KCNH7: variants seen among roughly 807,000 people sequenced by gnomAD.
The protein encoded by KCNH7 is voltage-gated inwardly rectifying potassium channel KCNH7.
A neutral mutation model predicts 120.8 loss-of-function variants in KCNH7; 49 were observed. That is an observed-to-expected ratio of 0.41 (90% CI 0.32 to 0.51). KCNH7 has a LOEUF of 0.51. Among genes scored for constraint, KCNH7 ranks in the 20% least tolerant of loss-of-function variants. The pLI, the probability that KCNH7 is intolerant of heterozygous loss-of-function variation, is 0.38. For synonymous variants in KCNH7, 547 were observed against 516.1 expected, an observed-to-expected ratio of 1.06 and a Z score of -0.81; for missense variants, 1,097 against 1,446.6, an observed-to-expected ratio of 0.76 and a Z score of 3.92.
At chr2:162,497,529 G>T (rs77155747) in intron 6 of KCNH7, among the ~76,000 whole-genome samples, 71 of 152,284 alleles carry the variant, frequency 4.7e-4, no homozygotes, top group African/African-American at 1.5e-3. Flanking sequence ...AATGTTACAA[G>T]TATGTCCAAC....
At chr2:162,462,418 A>G (rs1558958232) in intron 6 of KCNH7, among the ~76,000 whole-genome samples, 1 of 152,110 alleles carries the variant, frequency 6.6e-6, no homozygotes, top group South Asian at 2.1e-4. Flanking sequence ...TCTATCACCT[A>G]CAAGAAGTTA....
intron 8 of KCNH7, among the ~76,000 whole-genome samples, chr2:162,434,055 A>G (rs1036083807): frequency 2.6e-5 from 4 of 152,150 alleles, no homozygotes; most frequent in African/African-American, 9.6e-5. Flanking sequence ...GCCATAAAAA[A>G]GAAAAAAAAG....
intron 4 of KCNH7, among the ~76,000 whole-genome samples, chr2:162,516,658 T>C (rs1691308206): frequency 6.6e-6 from 1 of 151,728 alleles, no homozygotes; most frequent in Non-Finnish European, 1.5e-5. Flanking sequence ...TATGGGAATC[T>C]GGAAAGCGGG....
chr2:162,408,502 C>T (rs573394119), intron 9 of KCNH7, among the ~76,000 whole-genome samples: 2 of 151,986 alleles, frequency 1.3e-5, no homozygotes, highest in Non-Finnish European at 2.9e-5. Context: ...ATTTTTGCTT[C>T]TAACACTCGA....
chr2:162,561,195 T>C (rs1298323297), intron 2 of KCNH7, among the ~76,000 whole-genome samples: 2 of 152,200 alleles, frequency 1.3e-5, no homozygotes, highest in Non-Finnish European at 2.9e-5. Flanking sequence ...ATCTAATTTA[T>C]ATTGAACATT....
At chr2:162,458,565 C>T (rs937408515) in intron 6 of KCNH7, among the ~76,000 whole-genome samples, 2 of 152,092 alleles carry the variant, frequency 1.3e-5, no homozygotes, top group Admixed American at 6.5e-5. Flanking sequence ...GGATTCTTCC[C>T]TCCATTTTCT....
In KCNH7 at chr2:162,812,057, CGTGT is replaced by C. The variant is rs769500291; in HGVS notation, c.307+24476_307+24479del. Among the ~76,000 whole-genome samples, 142 of 151,782 alleles carry C rather than the reference CGTGT, an allele frequency of 9.4e-4. 1 individual carries two copies. Among genetic ancestry groups the C allele is most frequent in the South Asian group, 1.9e-3 (9 of 4,808 alleles). ...TTAAATTATGTGAGTGTACAGCACACGTGTGTGTGTGTGAGCACATGTGCACACA... is the reference window on the plus strand; with the variant it reads ...TTAAATTATGTGAGTGTACAGCACACGTGTGTGTGAGCACATGTGCACACA... On this transcript the variant is annotated intron_variant, in intron 2 of 15. Transcript: ENST00000332142.
intron 2 of KCNH7, among the ~76,000 whole-genome samples, chr2:162,740,807 C>CA (rs1465325226): frequency 6.6e-6 from 1 of 152,172 alleles, no homozygotes; most frequent in Non-Finnish European, 1.5e-5. Context: ...CCCTCAACTG[C>CA]AATTTCCTTT....
At chr2:162,373,370 G>T (rs758768379) in intron 15 of KCNH7, 100 bp downstream of exon 15, 13 of 796,888 alleles carry the variant, frequency 1.6e-5, no homozygotes, top group Non-Finnish European at 2.4e-5. Context: ...GATAGGGACA[G>T]AAATCTGCCT....
At chr2:162,438,073 C>A (rs1237443247) in intron 7 of KCNH7, among the ~76,000 whole-genome samples, 1 of 152,018 alleles carries the variant, frequency 6.6e-6, no homozygotes, top group South Asian at 2.1e-4. Flanking sequence ...TTAAAATTTT[C>A]TTGTTTTTGG....
rs144864924 is a variant in KCNH7, at chr2:162,691,200, G to C, written c.307+145337C>G. On this transcript the variant is annotated intron_variant, in intron 2 of 15. Transcript: ENST00000332142. ...ACTATAATAGAAAGCATGTTGATATGCCAAATTCATAGAGAAGACAGAGTG... is the reference window on the plus strand; with the variant it reads ...ACTATAATAGAAAGCATGTTGATATCCCAAATTCATAGAGAAGACAGAGTG... Among the ~76,000 whole-genome samples the C allele has an allele frequency of 1.2e-4, 18 of 152,266 alleles. No individual in the cohort carries two copies. In the East Asian group the frequency reaches 3.5e-3, roughly 29 times the overall value.
rs1200486981 is a variant in KCNH7 at position 162,371,792 on chromosome 2, C to T, written c.*37G>A. On this transcript the variant is annotated 3_prime_UTR_variant, in exon 16 of 16. Transcript: ENST00000332142. ...GAAAAAGGAAAACAGCCATTAAAAG[C>T]ACTTACATTGTATGTGGAGTAAATA... 2 of 1,570,298 alleles carry T rather than the reference C, an allele frequency of 1.3e-6. No homozygotes were observed. The highest frequency in any genetic ancestry group is 1.7e-6 in the Non-Finnish European group (2 of 1,149,910).
chr2:162,388,761 A>G (rs1686655138), intron 12 of KCNH7, among the ~76,000 whole-genome samples: 1 of 151,998 alleles, frequency 6.6e-6, no homozygotes, highest in Admixed American at 6.6e-5. Flanking sequence ...AAACACTTTT[A>G]AAACTGACTG....
chr2:162,400,104 A>T (rs1194152293), intron 10 of KCNH7, 85 bp downstream of exon 10: 13 of 1,412,266 alleles, frequency 9.2e-6, no homozygotes, highest in Non-Finnish European at 1.2e-5. Flanking sequence ...GAATACATAC[A>T]TCAGTCTTTT....
At chr2:162,517,377 T>C (rs534853236) in intron 4 of KCNH7, among the ~76,000 whole-genome samples, 1 of 151,986 alleles carries the variant, frequency 6.6e-6, no homozygotes, top group East Asian at 2.0e-4. Flanking sequence ...TCCCAGGGCA[T>C]GATCATTTGC....
chr2:162,667,834 C>T (rs1325013511), intron 2 of KCNH7, among the ~76,000 whole-genome samples: 1 of 152,140 alleles, frequency 6.6e-6, no homozygotes, highest in Non-Finnish European at 1.5e-5. Flanking sequence ...TTTCCTCCCT[C>T]TAGAATATAC....
chr2:162,836,656 G>C lies in KCNH7; in HGVS notation c.188C>G (p.Pro63Arg), dbSNP rs1245410819. Residue 63 changes from proline to arginine, a missense_variant, in exon 2 of 16, where the codon CCA becomes CGA. This residue lies in a region of KCNH7 where 57 missense variants were observed against 116.2 expected (regional missense o/e 0.49). Transcript: ENST00000332142. ...TCCATGGAGAAAGTCGCAGGTGCAT[G>C]GCTTTTGCATGACATCTGGCCTGGA... is the stretch of plus-strand genomic sequence containing the variant. Reference protein sequence around the residue: ...GFSRPDVMQKPCTCDFLHGPE... With the variant: ...GFSRPDVMQKRCTCDFLHGPE... The C allele has an allele frequency of 1.9e-6, 3 of 1,614,114 alleles. No homozygotes were observed. In the South Asian group the frequency reaches 3.3e-5, roughly 18 times the overall value.
intron 12 of KCNH7, among the ~76,000 whole-genome samples, chr2:162,390,569 C>G (rs1311236813): frequency 2.0e-5 from 3 of 151,828 alleles, no homozygotes; most frequent in Non-Finnish European, 4.4e-5. Context: ...TCATTGAAGC[C>G]TCATTTTTAT....
chr2:162,559,392 C>G (rs1692982847), intron 2 of KCNH7, among the ~76,000 whole-genome samples: 1 of 152,108 alleles, frequency 6.6e-6, no homozygotes, highest in Non-Finnish European at 1.5e-5. Context: ...TCAGTAACAG[C>G]AAGATTAGTG....
Sources: allele counts gnomAD v4.1 joint callset (sites outside exome capture counted in the v4.1 genomes callset), GRCh38; gene constraint gnomAD v4.1.1; regional missense constraint gnomAD v4.1.1; transcripts MANE v1.5; gene names NCBI Gene and HGNC (gene_info 2026-07-23, HGNC 2026-07-21).